LRRFIP2: variants seen among roughly 807,000 people sequenced by gnomAD.
The protein encoded by LRRFIP2 is leucine-rich repeat flightless-interacting protein 2.
A neutral mutation model predicts 125.9 loss-of-function variants in LRRFIP2; 109 were observed. The ratio of observed to expected loss-of-function variants is 0.87; its 90% CI spans 0.74 to 1.01. The LOEUF (loss-of-function observed/expected upper bound fraction) is 1.01. Among genes scored for constraint, LRRFIP2 ranks in the 50% least tolerant of loss-of-function variants. The pLI is 0.00. For missense variants in LRRFIP2, 850 were observed against 862.3 expected, an observed-to-expected ratio of 0.99 and a Z score of 0.18; for synonymous variants, 291 against 293.1, an observed-to-expected ratio of 0.99 and a Z score of 0.07.
rs534135871 is a variant in LRRFIP2 at position 37,145,268 on chromosome 3, A to T, written c.90+3626T>A. 6.6e-5 allele frequency among the ~76,000 whole-genome samples: 10 copies of T among 152,316 alleles called. No individual in the cohort carries two copies. In the South Asian group the frequency reaches 1.2e-3, roughly 19 times the overall value. On this transcript the variant is annotated intron_variant, in intron 2 of 27. Coordinates refer to ENST00000336686, the MANE Select transcript of LRRFIP2 (RefSeq NM_006309.4). The stretch of plus-strand genomic sequence containing the variant: ...CTGATGTCAAACAACTATATCTTCC[A>T]TTTACTCGGAGACCTTTTGACAGCA...
At chr3:37,118,828 T>G (rs531948988) in intron 6 of LRRFIP2, among the ~76,000 whole-genome samples, 1 of 152,208 alleles carries the variant, frequency 6.6e-6, no homozygotes. Flanking sequence ...CGGCCTTAAG[T>G]TTTTAAAAAT....
In LRRFIP2 at chr3:37,060,435, A is replaced by T. The variant is rs2088272093; in HGVS notation, c.1750-1525T>A. On this transcript the variant is annotated intron_variant, in intron 24 of 27. Transcript: ENST00000336686. The surrounding 1 kb of genome is among the most constrained non-coding windows in gnomAD (Gnocchi z 4.1). ...GCGATTTTCCTGCCTCAGCCCCCCGAGTAGCTGGGATTCCAGGTGCATGCC... is the reference window on the plus strand; with the variant it reads ...GCGATTTTCCTGCCTCAGCCCCCCGTGTAGCTGGGATTCCAGGTGCATGCC... Among the ~76,000 whole-genome samples, 1 of 151,984 alleles carries T rather than the reference A, an allele frequency of 6.6e-6. No individual in the cohort carries two copies. Among genetic ancestry groups the T allele is most frequent in the African/African-American group, 2.4e-5 (1 of 41,356 alleles).
intron 16 of LRRFIP2, among the ~76,000 whole-genome samples, chr3:37,095,978 A>G (rs2093696368): frequency 6.6e-6 from 1 of 152,184 alleles, no homozygotes; most frequent in East Asian, 1.9e-4. Context: ...ATGTTGAAAT[A>G]GTTTGGATAT....
At chr3:37,091,118 G>A (rs975460730) in intron 18 of LRRFIP2, among the ~76,000 whole-genome samples, 9 of 152,078 alleles carry the variant, frequency 5.9e-5, no homozygotes, top group South Asian at 2.1e-4. Flanking sequence ...GCTCATGCCT[G>A]TAATCCCAGC....
At chr3:37,084,661 ATCTC>A (rs1271618930) in intron 18 of LRRFIP2, among the ~76,000 whole-genome samples, 1 of 152,016 alleles carries the variant, frequency 6.6e-6, no homozygotes, top group African/African-American at 2.4e-5. Context: ...GCGAGACCCT[ATCTC>A]TATCAATAAA....
rs1001803608 is a variant in LRRFIP2 at position 37,105,414 on chromosome 3, T to G, written c.783+41A>C. 4 of 1,556,040 alleles carry G rather than the reference T, an allele frequency of 2.6e-6. No homozygotes were observed. The African/African-American group carries it at 4.1e-5, about 16-fold the overall frequency. On this transcript the variant is annotated intron_variant, in intron 14 of 27. Transcript: ENST00000336686. ...TCATGTGATCATGCATTGCTGTCAT[T>G]TAAAACTCATCTTATTTCTTTGCAT...
intron 6 of LRRFIP2, 29 bp downstream of exon 6, chr3:37,121,463 G>A: frequency 1.2e-6 from 2 of 1,604,412 alleles, no homozygotes; most frequent in Non-Finnish European, 1.7e-6. Flanking sequence ...CGTAAGCTTT[G>A]TATTGTGTAG....
chr3:37,155,856 A>C (rs984398244), intron 1 of LRRFIP2, among the ~76,000 whole-genome samples: 1 of 152,060 alleles, frequency 6.6e-6, no homozygotes, highest in Non-Finnish European at 1.5e-5. Context: ...CAACTCTTTC[A>C]ATTTTTCTGT....
chr3:37,075,432 G>A (rs1429179663), intron 19 of LRRFIP2, among the ~76,000 whole-genome samples: 1 of 151,450 alleles, frequency 6.6e-6, no homozygotes. Flanking sequence ...ATTCAAAGAA[G>A]GAATAATAAA....
At chr3:37,070,649 T>C (rs542909556) in intron 21 of LRRFIP2, among the ~76,000 whole-genome samples, 12 of 152,140 alleles carry the variant, frequency 7.9e-5, no homozygotes, top group African/African-American at 2.4e-4. Context: ...GGCAGGAGAA[T>C]TGCTTGAACC....
chr3:37,055,057 A>G, intron 26 of LRRFIP2, 29 bp downstream of exon 26: 2 of 1,453,828 alleles, frequency 1.4e-6, no homozygotes, highest in Non-Finnish European at 1.9e-6. Context: ...GGACATTTAA[A>G]TAACTTAGTA....
At chr3:37,069,946 CTA>C (rs1489833781) in intron 21 of LRRFIP2, among the ~76,000 whole-genome samples, 1 of 151,920 alleles carries the variant, frequency 6.6e-6, no homozygotes, top group Non-Finnish European at 1.5e-5. Flanking sequence ...AAGGCTATGA[CTA>C]TAAAAAGGCA....
chr3:37,053,759 A>G lies in LRRFIP2; in HGVS notation c.*92T>C. ...GGCTGTTTTAATGACAAAACTCAAA[A>G]CAGTACTAAAAGGGGTTTGTGTCAA... On this transcript the variant is annotated 3_prime_UTR_variant, in exon 28 of 28. Transcript: ENST00000336686. 1.3e-6 allele frequency: 1 copy of G among 769,540 alleles called. No individual in the cohort carries two copies. The highest frequency in any genetic ancestry group is 1.7e-5 in the African/African-American group (1 of 58,268). The allele number at this position is 769,540 out of a possible 1,614,324, so 47.7% of individuals were successfully genotyped here.
chr3:37,127,706 C>T, intron 3 of LRRFIP2, 26 bp from the exon 4 acceptor site: 2 of 1,583,268 alleles, frequency 1.3e-6, no homozygotes, highest in Non-Finnish European at 1.7e-6. Flanking sequence ...TTTCATAAAC[C>T]AAATAGTTTC....
In LRRFIP2 at chr3:37,134,819, T is replaced by G. The variant is rs139320204; in HGVS notation, c.91-5670A>C. ...AAAGCGGTGTATTCTTTTTGGCAAT[T>G]CATTTTCCTACAGACTGCTCCTTCA... On this transcript the variant is annotated intron_variant, in intron 2 of 27. Coordinates refer to ENST00000336686, the MANE Select transcript of LRRFIP2 (RefSeq NM_006309.4). The G allele has an allele frequency of 2.3e-3, 2,131 of 920,866 alleles. 59 individuals carry two copies. In the Admixed American group the frequency reaches 0.035, roughly 15 times the overall value. 57.0% of individuals were successfully genotyped at this position (920,866 alleles called of 1,614,324 possible).
chr3:37,142,428 T>C (rs933786401), intron 2 of LRRFIP2, among the ~76,000 whole-genome samples: 1 of 152,194 alleles, frequency 6.6e-6, no homozygotes, highest in African/African-American at 2.4e-5. Flanking sequence ...ATTACAAGCG[T>C]GAGCTACCAT....
intron 1 of LRRFIP2, among the ~76,000 whole-genome samples, chr3:37,159,871 G>A (rs1466997849): frequency 2.0e-5 from 3 of 149,398 alleles, no homozygotes; most frequent in African/African-American, 7.4e-5. Context: ...AGGAAAAAAA[G>A]GCAGCTGGGG....
chr3:37,110,621 T>A (rs927532317), intron 9 of LRRFIP2, among the ~76,000 whole-genome samples: 3 of 152,198 alleles, frequency 2.0e-5, no homozygotes, highest in African/African-American at 7.2e-5. Context: ...TTTTGAAATG[T>A]ATCAAAAACT....
At chr3:37,074,411 G>A (rs569701184) in intron 20 of LRRFIP2, among the ~76,000 whole-genome samples, 78 of 152,270 alleles carry the variant, frequency 5.1e-4, no homozygotes, top group African/African-American at 1.7e-3. Context: ...ATCGTCTCAG[G>A]AGGGAAAACC....
Sources: allele counts gnomAD v4.1 joint callset (sites outside exome capture counted in the v4.1 genomes callset), GRCh38; gene constraint gnomAD v4.1.1; non-coding constraint Gnocchi (gnomAD v3.1); transcripts MANE v1.5; gene names NCBI Gene and HGNC (gene_info 2026-07-23, HGNC 2026-07-21).